Variants in KCTD3 observed in about 807,000 individuals in gnomAD.
The protein encoded by KCTD3 is BTB/POZ domain-containing protein KCTD3.
Under a neutral mutation model 85.8 loss-of-function variants are expected in KCTD3, and 41 were observed. The ratio of observed to expected loss-of-function variants is 0.48; its 90% CI spans 0.37 to 0.62. KCTD3 has a LOEUF of 0.62. KCTD3 is among the 20% of genes least tolerant of loss of function. The pLI, the probability that KCTD3 is intolerant of heterozygous loss-of-function variation, is 0.00. For missense variants in KCTD3, 724 were observed against 989.9 expected (o/e 0.73, Z 3.60); for synonymous variants, 338 against 345.4 (o/e 0.98, Z 0.24).
Position 215,579,154 on chromosome 1 carries a change from G to T in KCTD3, c.535+17G>T. 1 of 1,604,300 alleles carries T rather than the reference G, an allele frequency of 6.2e-7. No homozygotes were observed. Among genetic ancestry groups the T allele is most frequent in the Non-Finnish European group, 8.5e-7 (1 of 1,174,362 alleles). ...TTAGGCTAGGTAAGCAAAGATTACA[G>T]AAATAGAAAAAGAAAAATACGTATG... On this transcript the variant is annotated intron_variant, in intron 7 of 17. Coordinates refer to ENST00000259154, the MANE Select transcript of KCTD3 (RefSeq NM_016121.5).
rs1245117587 is a variant in KCTD3 at position 215,620,423 on chromosome 1, A to G, written c.2253A>G (p.Ile751Met). The G allele has an allele frequency of 3.1e-6, 5 of 1,613,128 alleles. No homozygotes were observed. Among genetic ancestry groups the G allele is most frequent in the Admixed American group, 1.7e-5 (1 of 59,832 alleles). Residue 751 changes from isoleucine to methionine, a missense_variant, in exon 18 of 18, where the codon ATA (isoleucine) becomes ATG (methionine). Ile to Met is a conservative substitution (Grantham distance 10, BLOSUM62 1). Transcript: ENST00000259154. ...RSSEDENENK[I>M]EFRKKGGFEG... ...CAGAAGATGAAAATGAAAATAAAAT[A>G]GAGTTTAGGAAGAAAGGAGGATTTG...
chr1:215,615,105 G>C (rs534892724), intron 15 of KCTD3, among the ~76,000 whole-genome samples: 1 of 152,136 alleles, frequency 6.6e-6, no homozygotes, highest in Admixed American at 6.5e-5. Context: ...TAATTTTTAA[G>C]TTTATGATTC....
At chr1:215,605,126 C>G (rs1654966679) in intron 13 of KCTD3, among the ~76,000 whole-genome samples, 1 of 152,076 alleles carries the variant, frequency 6.6e-6, no homozygotes, top group South Asian at 2.1e-4. Flanking sequence ...TACATTAACT[C>G]CTTTTGTAGA....
intron 14 of KCTD3, among the ~76,000 whole-genome samples, chr1:215,609,179 A>G (rs1445522755): frequency 1.3e-5 from 2 of 151,974 alleles, no homozygotes; most frequent in Non-Finnish European, 2.9e-5. Context: ...TACCCCACTT[A>G]ATGTTGACAG....
intron 1 of KCTD3, among the ~76,000 whole-genome samples, chr1:215,568,931 C>T (rs943188724): frequency 1.7e-4 from 26 of 151,888 alleles, no homozygotes; most frequent in African/African-American, 6.3e-4. Context: ...ATTTATGTCT[C>T]CTAATGTAAG....
chr1:215,592,773 T>A (rs1421822031), intron 9 of KCTD3, among the ~76,000 whole-genome samples: 2 of 152,162 alleles, frequency 1.3e-5, no homozygotes, highest in Non-Finnish European at 2.9e-5. Context: ...GATAAAGCTC[T>A]CCCAGAGGCT....
chr1:215,586,672 T>G lies in KCTD3; in HGVS notation c.804T>G (p.Ser268Arg), dbSNP rs1660021670. 6.2e-7 allele frequency: 1 copy of G among 1,607,576 alleles called. No individual in the cohort carries two copies. Among genetic ancestry groups the G allele is most frequent in the African/African-American group, 1.3e-5 (1 of 74,650 alleles). ...IILWSVQDGG[S>R]GSEIGVFSLG... ...TGTGGAGTGTTCAGGATGGGGGAAG[T>G]GGAAGTGAAATTGGTAGGAAGAATC... The change falls in exon 9 of 18, where the codon AGT becomes AGG. Residue 268 changes from serine (S) to arginine (R), a missense_variant. Physicochemically the swap from Ser to Arg is moderately radical, Grantham distance 110 (BLOSUM62 -1). This residue lies in a region of KCTD3 where 146 missense variants were observed against 320.3 expected (regional missense o/e 0.46). Coordinates refer to ENST00000259154, the MANE Select transcript of KCTD3 (RefSeq NM_016121.5).
intron 14 of KCTD3, among the ~76,000 whole-genome samples, chr1:215,608,546 G>A (rs1558243169): frequency 2.0e-5 from 3 of 151,832 alleles, no homozygotes; most frequent in Non-Finnish European, 4.4e-5. Flanking sequence ...AAAAACGTTG[G>A]TCCCTATAAA....
Position 215,620,765 on chromosome 1 carries a change from A to G in KCTD3, c.*147A>G. 1 of 570,322 alleles carries G rather than the reference A, an allele frequency of 1.8e-6. No individual in the cohort carries two copies. Among genetic ancestry groups the G allele is most frequent in the Non-Finnish European group, 3.0e-6 (1 of 332,546 alleles). The allele number at this position is 570,322 out of a possible 1,614,324, so 35.3% of individuals were successfully genotyped here. The stretch of plus-strand genomic sequence containing the variant: ...CTTTTTAACAGAATTACTTGGAATA[A>G]TGAGATACAATAATCATATCTCTTT... On this transcript the variant is annotated 3_prime_UTR_variant, in exon 18 of 18. Coordinates refer to ENST00000259154, the MANE Select transcript of KCTD3 (RefSeq NM_016121.5).
At chr1:215,585,968 T>A (rs1432488996) in intron 8 of KCTD3, among the ~76,000 whole-genome samples, 1 of 152,196 alleles carries the variant, frequency 6.6e-6, no homozygotes, top group Non-Finnish European at 1.5e-5. Flanking sequence ...CACTCAGTGT[T>A]TCTGGATAGA....
chr1:215,602,270 T>G, intron 12 of KCTD3, 69 bp downstream of exon 12: 1 of 747,028 alleles, frequency 1.3e-6, no homozygotes, highest in Non-Finnish European at 2.3e-6. Context: ...ATTATGTGAC[T>G]AGGTCAAATT....
chr1:215,601,655 T>C (rs1415548745), intron 10 of KCTD3, among the ~76,000 whole-genome samples: 1 of 152,106 alleles, frequency 6.6e-6, no homozygotes. Flanking sequence ...AAAAAAATAT[T>C]TTGAAGGAAG....
chr1:215,568,126 A>G (rs1295680377), intron 1 of KCTD3, among the ~76,000 whole-genome samples: 1 of 152,162 alleles, frequency 6.6e-6, no homozygotes, highest in Non-Finnish European at 1.5e-5. Flanking sequence ...TTTATTTAGT[A>G]GAAACCTGGC....
At chr1:215,581,729 A>G (rs1445851927) in intron 8 of KCTD3, among the ~76,000 whole-genome samples, 1 of 152,232 alleles carries the variant, frequency 6.6e-6, no homozygotes, top group Non-Finnish European at 1.5e-5. Context: ...TCAGAGCAAT[A>G]TACTCATGTA....
At chr1:215,616,629 A>G (rs1335219614) in intron 15 of KCTD3, among the ~76,000 whole-genome samples, 1 of 151,986 alleles carries the variant, frequency 6.6e-6, no homozygotes, top group African/African-American at 2.4e-5. Context: ...GCCTGGTGGC[A>G]CACGCCTGTA....
At chr1:215,571,646 T>TC (rs1224914360) in intron 1 of KCTD3, among the ~76,000 whole-genome samples, 1 of 150,582 alleles carries the variant, frequency 6.6e-6, no homozygotes, top group Admixed American at 6.6e-5. Context: ...TTTTTTTTTT[T>TC]CCGAGACGGA....
chr1:215,567,827 G>T, intron 1 of KCTD3, 59 bp downstream of exon 1: 4 of 1,109,746 alleles, frequency 3.6e-6, no homozygotes, highest in Non-Finnish European at 4.6e-6. Context: ...CTCCTTTGGT[G>T]TCGACGGGGA....
At chr1:215,593,069 C>A (rs1660282892) in intron 9 of KCTD3, among the ~76,000 whole-genome samples, 2 of 152,154 alleles carry the variant, frequency 1.3e-5, no homozygotes, top group African/African-American at 4.8e-5. Context: ...GCCCATAATA[C>A]TGAATATAGT....
At chr1:215,576,293 G>C (rs147593861) in intron 4 of KCTD3, among the ~76,000 whole-genome samples, 7 of 151,792 alleles carry the variant, frequency 4.6e-5, no homozygotes, top group Non-Finnish European at 1.0e-4. Context: ...GATTGCAAAC[G>C]CCTGAGCTCA....
Sources: allele counts gnomAD v4.1 joint callset (sites outside exome capture counted in the v4.1 genomes callset), GRCh38; gene constraint gnomAD v4.1.1; regional missense constraint gnomAD v4.1.1; transcripts MANE v1.5; gene names NCBI Gene and HGNC (gene_info 2026-07-23, HGNC 2026-07-21).